Variants in ZFPM2 observed in about 807,000 individuals in gnomAD.
The protein encoded by ZFPM2 is zinc finger protein, FOG family member 2, also known as zinc finger protein ZFPM2.
ZFPM2 carries 20 observed loss-of-function variants against 98.6 expected under a neutral mutation model. The ratio of observed to expected loss-of-function variants is 0.20; its 90% CI spans 0.14 to 0.29. The LOEUF (loss-of-function observed/expected upper bound fraction) is 0.29. Ranked by LOEUF, ZFPM2 falls within the 10% of genes least tolerant of loss-of-function variation. ZFPM2 has a pLI of 1.00. For synonymous variants in ZFPM2, 518 were observed against 502.7 expected (o/e 1.03, Z -0.41); for missense variants, 1,310 against 1,388.6 (o/e 0.94, Z 0.90).
chr8:105,344,615 C>A (rs1441338571), intron 1 of ZFPM2, among the ~76,000 whole-genome samples: 4 of 152,192 alleles, frequency 2.6e-5, no homozygotes, highest in Admixed American at 6.6e-5. Flanking sequence ...GTATAAGCTT[C>A]AGATCCCACA....
Position 105,444,338 on chromosome 8 carries a change from A to G in ZFPM2, c.258A>G (p.Lys86=), listed in dbSNP as rs200972094. The G allele has an allele frequency of 4.5e-5, 73 of 1,612,456 alleles. No homozygotes were observed. In the African/African-American group the frequency reaches 8.3e-4, roughly 18 times the overall value. The change falls in exon 3 of 8, where the codon AAA becomes AAG. Residue 86 remains lysine (K), a synonymous_variant. Coordinates refer to ENST00000407775, the MANE Select transcript of ZFPM2 (RefSeq NM_012082.4). ...AESDGDTQSE[K]PGQPGVETDD... Reference sequence around the variant, plus strand: ...CAGATGGGGACACACAGTCAGAGAAACCGGGGCAACCTGGAGTTGAGACAG... The same window carrying G: ...CAGATGGGGACACACAGTCAGAGAAGCCGGGGCAACCTGGAGTTGAGACAG...
In ZFPM2 at chr8:105,405,604, T is replaced by C. The variant is rs538102779; in HGVS notation, c.41-13540T>C. Among the ~76,000 whole-genome samples, 68 of 152,182 alleles carry C rather than the reference T, an allele frequency of 4.5e-4. 2 individuals carry two copies. In the East Asian group the frequency reaches 0.013, roughly 28 times the overall value. On this transcript the variant is annotated intron_variant, in intron 1 of 7. Coordinates refer to ENST00000407775, the MANE Select transcript of ZFPM2 (RefSeq NM_012082.4). ...TTCATCCATGTCCCTACAAAGGACA[T>C]GAACTCATCATTTTTTATGGCTGCA...
chr8:105,644,195 C>G (rs1041027038), intron 5 of ZFPM2, among the ~76,000 whole-genome samples: 2 of 151,778 alleles, frequency 1.3e-5, no homozygotes, highest in African/African-American at 4.8e-5. Flanking sequence ...GGGCTCCTTG[C>G]TTTTGCTTAA....
intron 4 of ZFPM2, among the ~76,000 whole-genome samples, chr8:105,592,566 T>C (rs964266784): frequency 6.6e-6 from 1 of 152,150 alleles, no homozygotes; most frequent in African/African-American, 2.4e-5. Context: ...CTCTTATTTT[T>C]TTCTCATTTT....
At chr8:105,429,484 G>C (rs1470701042) in intron 2 of ZFPM2, among the ~76,000 whole-genome samples, 1 of 142,906 alleles carries the variant, frequency 7.0e-6, no homozygotes, top group African/African-American at 3.0e-5. Context: ...TGTCAAACTT[G>C]GGCTGATTAA....
At chr8:105,572,260 A>G (rs1487979357) in intron 4 of ZFPM2, among the ~76,000 whole-genome samples, 3 of 152,006 alleles carry the variant, frequency 2.0e-5, no homozygotes, top group East Asian at 1.9e-4. Context: ...GATGGTCTCG[A>G]TCTCCTGACC....
chr8:105,745,141 T>C (rs1336219237), intron 5 of ZFPM2, among the ~76,000 whole-genome samples: 1 of 152,142 alleles, frequency 6.6e-6, no homozygotes, highest in African/African-American at 2.4e-5. Context: ...ATGCAAACTG[T>C]ATTACAGTAT....
intron 3 of ZFPM2, among the ~76,000 whole-genome samples, chr8:105,483,664 CTTCTT>C (rs1447930684): frequency 3.3e-5 from 5 of 151,206 alleles, no homozygotes; most frequent in Admixed American, 2.0e-4. Context: ...TATTTTCTGG[CTTCTT>C]TTCTTGCTGC....
chr8:105,469,758 C>A (rs546514198), intron 3 of ZFPM2, among the ~76,000 whole-genome samples: 1 of 152,186 alleles, frequency 6.6e-6, no homozygotes, highest in Non-Finnish European at 1.5e-5. Context: ...CATTTAGTCT[C>A]ATAGAACACT....
At chr8:105,675,103 G>A (rs562949009) in intron 5 of ZFPM2, among the ~76,000 whole-genome samples, 6 of 152,278 alleles carry the variant, frequency 3.9e-5, no homozygotes, top group African/African-American at 1.4e-4. Context: ...TAAAGTAATA[G>A]AACTGGTAGA....
rs561787824 is a variant in ZFPM2, at chr8:105,634,031, C to G, written c.421-215C>G. Among the ~76,000 whole-genome samples the G allele has an allele frequency of 4.0e-5, 6 of 151,746 alleles. No individual in the cohort carries two copies. In the East Asian group the frequency reaches 9.7e-4, roughly 24 times the overall value. On this transcript the variant is annotated intron_variant, in intron 4 of 7. Transcript: ENST00000407775. ...TATCATTTAGGAAAAAAAAAAAATC[C>G]TTGATAATATTTCTACCATTCAGAT...
chr8:105,356,590 C>T (rs1421946979), intron 1 of ZFPM2, among the ~76,000 whole-genome samples: 1 of 152,072 alleles, frequency 6.6e-6, no homozygotes, highest in Non-Finnish European at 1.5e-5. Flanking sequence ...GAATATTGAC[C>T]CTTTTCACAG....
At chr8:105,569,458 A>C (rs1339811237) in intron 4 of ZFPM2, among the ~76,000 whole-genome samples, 1 of 152,210 alleles carries the variant, frequency 6.6e-6, no homozygotes, top group Non-Finnish European at 1.5e-5. Flanking sequence ...AGGAAATGCT[A>C]TCTTGTACCT....
chr8:105,417,653 A>T (rs770331691), intron 1 of ZFPM2, among the ~76,000 whole-genome samples: 20 of 152,188 alleles, frequency 1.3e-4, no homozygotes, highest in Non-Finnish European at 2.6e-4. Flanking sequence ...TCTTTGACGT[A>T]ATTATTCTAA....
chr8:105,486,978 T>A (rs112776007), intron 3 of ZFPM2, among the ~76,000 whole-genome samples: 4,009 of 152,312 alleles, frequency 0.026, 120 homozygotes, highest in Non-Finnish European at 0.035. Flanking sequence ...TCTTCACAAT[T>A]AGGATAAACT....
chr8:105,762,200 G>A (rs766504255), intron 5 of ZFPM2, among the ~76,000 whole-genome samples: 95 of 151,882 alleles, frequency 6.3e-4, no homozygotes, highest in Non-Finnish European at 1.2e-3. Flanking sequence ...CAATGCTTAC[G>A]ATGCTCTTGA....
At chr8:105,587,643 G>A (rs1304597010) in intron 4 of ZFPM2, among the ~76,000 whole-genome samples, 2 of 150,012 alleles carry the variant, frequency 1.3e-5, no homozygotes, top group Non-Finnish European at 3.0e-5. Context: ...CATTTTTTTT[G>A]CATTTCTATA....
Position 105,613,674 on chromosome 8 carries a change from C to T in ZFPM2, c.421-20572C>T, listed in dbSNP as rs554088090. Reference sequence around the variant, plus strand: ...ACTAGGTCCTAGTAGGACCCATTCACTTTCAGGTTTACCAACACTCACTAA... The same window carrying T: ...ACTAGGTCCTAGTAGGACCCATTCATTTTCAGGTTTACCAACACTCACTAA... On this transcript the variant is annotated intron_variant, in intron 4 of 7. Transcript: ENST00000407775. Among the ~76,000 whole-genome samples, 12 of 152,242 alleles carry T rather than the reference C, an allele frequency of 7.9e-5. No homozygotes were observed. In the South Asian group the frequency reaches 2.3e-3, roughly 29 times the overall value.
chr8:105,376,417 C>T (rs1810725356), intron 1 of ZFPM2, among the ~76,000 whole-genome samples: 2 of 152,134 alleles, frequency 1.3e-5, no homozygotes, highest in African/African-American at 2.4e-5. Context: ...CTGTAAATAC[C>T]TTCTGTCTCT....
Sources: gnomAD v4.1 joint callset for allele counts (sites outside exome capture counted in the v4.1 genomes callset) on GRCh38, gnomAD v4.1.1 for gene constraint, MANE v1.5 for transcripts, NCBI Gene and HGNC (gene_info 2026-07-23, HGNC 2026-07-21) for gene names.